Variants in DLG2 observed in about 807,000 individuals in gnomAD.
The protein encoded by DLG2 is disks large homolog 2.
Under a neutral mutation model 132.5 loss-of-function variants are expected in DLG2, and 45 were observed. The ratio of observed to expected loss-of-function variants is 0.34; its 90% CI spans 0.27 to 0.44. DLG2 has a LOEUF of 0.44. Ranked by LOEUF, DLG2 falls within the 20% of genes least tolerant of loss-of-function variation. The pLI is 1.00. For synonymous variants in DLG2, 424 were observed against 419.6 expected, an observed-to-expected ratio of 1.01 and a Z score of -0.13; for missense variants, 1,045 against 1,196.9, an observed-to-expected ratio of 0.87 and a Z score of 1.87.
At chr11:83,668,241 A>C (rs562344000) in intron 18 of DLG2, among the ~76,000 whole-genome samples, 1 of 152,248 alleles carries the variant, frequency 6.6e-6, no homozygotes, top group Admixed American at 6.5e-5. Context: ...GAGGGCTTTC[A>C]GACTGATGCA....
intron 11 of DLG2, among the ~76,000 whole-genome samples, chr11:83,986,745 C>T (rs540289937): frequency 1.1e-3 from 172 of 152,008 alleles, no homozygotes; most frequent in African/African-American, 2.6e-3. Context: ...TTTTAATGAT[C>T]GCCATTCTAA....
intron 6 of DLG2, among the ~76,000 whole-genome samples, chr11:84,956,302 AAAGAAAAG>A (rs1162552658): frequency 2.0e-5 from 3 of 152,234 alleles, no homozygotes; most frequent in Non-Finnish European, 2.9e-5. Context: ...AATTAAAAAG[AAAGAAAAG>A]AAGAAGGAAG....
intron 10 of DLG2, among the ~76,000 whole-genome samples, chr11:84,075,983 C>T (rs1350807118): frequency 1.3e-5 from 2 of 152,100 alleles, no homozygotes; most frequent in African/African-American, 4.8e-5. Context: ...AACTCAGAGC[C>T]TGAGGATGGT....
At chr11:83,729,367 G>C (rs1477880345) in intron 18 of DLG2, among the ~76,000 whole-genome samples, 1 of 152,132 alleles carries the variant, frequency 6.6e-6, no homozygotes, top group Non-Finnish European at 1.5e-5. Context: ...AAAAACAAAG[G>C]TAGAGTTTTT....
chr11:85,362,835 T>C (rs1275003648), intron 3 of DLG2, among the ~76,000 whole-genome samples: 1 of 152,202 alleles, frequency 6.6e-6, no homozygotes, highest in Non-Finnish European at 1.5e-5. Flanking sequence ...TATCTTATTC[T>C]AAAACTTTGA....
intron 21 of DLG2, among the ~76,000 whole-genome samples, chr11:83,514,857 A>G (rs1485117613): frequency 5.9e-5 from 9 of 152,148 alleles, no homozygotes; most frequent in Admixed American, 2.6e-4. Flanking sequence ...TGTTGAACCA[A>G]CCTTGCATCC....
chr11:85,530,003 T>C (rs948239470), intron 3 of DLG2, among the ~76,000 whole-genome samples: 4 of 150,942 alleles, frequency 2.7e-5, no homozygotes, highest in African/African-American at 7.3e-5. Flanking sequence ...TTTTTTTTTT[T>C]TTTGAGGTGG....
chr11:85,402,908 T>C (rs1446709989), intron 3 of DLG2, among the ~76,000 whole-genome samples: 1 of 152,126 alleles, frequency 6.6e-6, no homozygotes, highest in Non-Finnish European at 1.5e-5. Context: ...TGTAAATTAG[T>C]TCAACCATTG....
Position 84,456,401 on chromosome 11 carries a change from T to C in DLG2, c.519+78169A>G, listed in dbSNP as rs554609417. 2.6e-5 allele frequency among the ~76,000 whole-genome samples: 4 copies of C among 151,418 alleles called. No homozygotes were observed. The South Asian group carries it at 8.3e-4, about 31-fold the overall frequency. ...ATTCCCATAATGATGATAAATAACA[T>C]TAATTAATTATTTGATATGTGCAAG... On this transcript the variant is annotated intron_variant, in intron 7 of 27. Transcript: ENST00000376104.
At chr11:84,446,405 A>G (rs2099035068) in intron 7 of DLG2, among the ~76,000 whole-genome samples, 1 of 152,056 alleles carries the variant, frequency 6.6e-6, no homozygotes, top group African/African-American at 2.4e-5. Flanking sequence ...TCTGCATCGT[A>G]TTGTACATTT....
At chr11:84,150,318 T>C (rs1160253100) in intron 9 of DLG2, among the ~76,000 whole-genome samples, 1 of 152,164 alleles carries the variant, frequency 6.6e-6, no homozygotes, top group Non-Finnish European at 1.5e-5. Context: ...TTTTTGTGGC[T>C]ACTACTGTAT....
intron 9 of DLG2, among the ~76,000 whole-genome samples, chr11:84,140,667 T>C (rs2094803891): frequency 6.6e-6 from 1 of 152,152 alleles, no homozygotes. Flanking sequence ...TTCCCAAACA[T>C]TAAGGAATAA....
intron 4 of DLG2, among the ~76,000 whole-genome samples, chr11:85,166,661 TA>T (rs2078474868): frequency 6.6e-6 from 1 of 152,038 alleles, no homozygotes; most frequent in African/African-American, 2.4e-5. Flanking sequence ...AAAGGAAAAA[TA>T]AACTTGTCAT....
At position 85,396,179 on chromosome 11, in the gene DLG2, G is replaced by A. The variant is rs527486365; in HGVS notation, c.41-110814C>T. On this transcript the variant is annotated intron_variant, in intron 3 of 27. Coordinates refer to ENST00000376104, the MANE Select transcript of DLG2 (RefSeq NM_001142699.3). ...ACTCCAACAGACCTGCAGCTGAGGGGTCTGACTGTTTGTTAGAAGGAAAAC... is the reference window on the plus strand; with the variant it reads ...ACTCCAACAGACCTGCAGCTGAGGGATCTGACTGTTTGTTAGAAGGAAAAC... Among the ~76,000 whole-genome samples the A allele has an allele frequency of 1.3e-4, 20 of 152,300 alleles. No individual in the cohort carries two copies. The South Asian group carries it at 3.3e-3, about 25-fold the overall frequency.
chr11:85,079,433 T>C (rs2066954213), intron 6 of DLG2, among the ~76,000 whole-genome samples: 1 of 151,670 alleles, frequency 6.6e-6, no homozygotes, highest in Admixed American at 6.6e-5. Flanking sequence ...AACTTTGGAA[T>C]GCCCTTGGCC....
chr11:83,614,146 G>T (rs922020000), intron 19 of DLG2, among the ~76,000 whole-genome samples: 9 of 152,182 alleles, frequency 5.9e-5, no homozygotes, highest in African/African-American at 1.7e-4. Context: ...AGTGTAGGGT[G>T]GGGAGGTGGA....
chr11:84,316,672 CAT>C (rs373879658), intron 7 of DLG2, among the ~76,000 whole-genome samples: 63 of 152,270 alleles, frequency 4.1e-4, no homozygotes, highest in African/African-American at 1.1e-3. Flanking sequence ...AGCCCACAAA[CAT>C]GTGTGAAAAT....
chr11:85,575,531 T>G (rs1425413144), intron 3 of DLG2, among the ~76,000 whole-genome samples: 1 of 138,350 alleles, frequency 7.2e-6, no homozygotes, highest in Non-Finnish European at 1.5e-5. Flanking sequence ...CAGAGTGAGA[T>G]CCTATCTCAA....
At chr11:84,495,331 G>T (rs1567783168) in intron 7 of DLG2, among the ~76,000 whole-genome samples, 1 of 152,102 alleles carries the variant, frequency 6.6e-6, no homozygotes, top group Non-Finnish European at 1.5e-5. Context: ...TCACCTAAGA[G>T]TTAGGGAAGC....
Sources: allele counts gnomAD v4.1 joint callset (sites outside exome capture counted in the v4.1 genomes callset), GRCh38; gene constraint gnomAD v4.1.1; transcripts MANE v1.5; gene names NCBI Gene and HGNC (gene_info 2026-07-23, HGNC 2026-07-21).